The following PCDH7 variants were observed in gnomAD, a reference collection of about 807,000 sequenced individuals.
PCDH7 encodes protocadherin-7.
A neutral mutation model predicts 58.9 loss-of-function variants in PCDH7; 17 were observed. The ratio of observed to expected loss-of-function variants is 0.29; its 90% confidence interval spans 0.20 to 0.43. The LOEUF (loss-of-function observed/expected upper bound fraction) is 0.43, where lower values mean the gene tolerates loss of function less well. Ranked by LOEUF, PCDH7 falls within the 20% of genes least tolerant of loss-of-function variation. The probability of loss-of-function intolerance (pLI) is 1.00; values close to 1 mark genes in which losing one functional copy is unlikely to be tolerated. For missense variants in PCDH7, 1,274 were observed against 1,441.0 expected (o/e 0.88, Z 1.88); for synonymous variants, 664 against 616.4 (o/e 1.08, Z -1.14).
chr4:31,126,114 G>A (rs925744767), intron 3 of PCDH7, among the ~76,000 whole-genome samples: 1 of 149,448 alleles, frequency 6.7e-6, no homozygotes, highest in African/African-American at 2.5e-5. Context: ...AACAGTGCTT[G>A]ACATATCCTT....
intron 1 of PCDH7, among the ~76,000 whole-genome samples, chr4:30,799,409 TGC>T (rs1245735268): frequency 6.6e-6 from 1 of 152,252 alleles, no homozygotes; most frequent in Non-Finnish European, 1.5e-5. Flanking sequence ...TTCTGTATAA[TGC>T]AGAAGTTGCA....
chr4:31,100,001 G>A (rs939722709), intron 3 of PCDH7, among the ~76,000 whole-genome samples: 1 of 151,954 alleles, frequency 6.6e-6, no homozygotes, highest in Non-Finnish European at 1.5e-5. Context: ...AAGGGAGGGA[G>A]GGAGGGAAAA....
chr4:30,900,734 T>G (rs977447432), intron 1 of PCDH7, among the ~76,000 whole-genome samples: 1 of 152,126 alleles, frequency 6.6e-6, no homozygotes, highest in African/African-American at 2.4e-5. Flanking sequence ...GACATAGATA[T>G]AGAAATGCTT....
chr4:30,955,650 G>A (rs1469721319), intron 3 of PCDH7, among the ~76,000 whole-genome samples: 1 of 151,878 alleles, frequency 6.6e-6, no homozygotes, highest in African/African-American at 2.4e-5. Context: ...ATGGGTTCAA[G>A]GGATTCTCCT....
chr4:30,956,969 T>A (rs1443200191), intron 3 of PCDH7, among the ~76,000 whole-genome samples: 2 of 152,214 alleles, frequency 1.3e-5, no homozygotes, highest in African/African-American at 4.8e-5. Flanking sequence ...GAGGTCGGCA[T>A]CCCTTTGTAA....
chr4:31,067,357 G>A (rs1261075971), intron 3 of PCDH7, among the ~76,000 whole-genome samples: 4 of 133,932 alleles, frequency 3.0e-5, no homozygotes, highest in Admixed American at 7.9e-5. Flanking sequence ...TACATCAGGG[G>A]AATTTCATCA....
chr4:31,078,306 C>T (rs978033978), intron 3 of PCDH7, among the ~76,000 whole-genome samples: 4 of 151,976 alleles, frequency 2.6e-5, no homozygotes, highest in East Asian at 1.9e-4. Flanking sequence ...TTTTTAGAGA[C>T]AGGGTGTCGC....
At chr4:30,940,093 AAAAC>A (rs1368809588) in intron 2 of PCDH7, among the ~76,000 whole-genome samples, 9 of 151,992 alleles carry the variant, frequency 5.9e-5, no homozygotes, top group East Asian at 3.9e-4. Flanking sequence ...GGTAGGCAAA[AAAAC>A]AAACAAACAA....
chr4:30,859,547 C>G (rs1277636821), intron 1 of PCDH7, among the ~76,000 whole-genome samples: 1 of 151,562 alleles, frequency 6.6e-6, no homozygotes, highest in East Asian at 1.9e-4. Flanking sequence ...TTAAGTGATT[C>G]TCATGCCTCA....
At chr4:30,968,277 G>T (rs1482427749) in intron 3 of PCDH7, among the ~76,000 whole-genome samples, 1 of 108,466 alleles carries the variant, frequency 9.2e-6, no homozygotes, top group Admixed American at 1.0e-4. Flanking sequence ...ATTGATCAAA[G>T]AAAAAAATTA....
chr4:30,749,708 A>G lies in PCDH7; in HGVS notation c.70+25112A>G, dbSNP rs142206656. Among the ~76,000 whole-genome samples the G allele has an allele frequency of 1.4e-3, 210 of 152,300 alleles. 1 individual carries two copies. Among genetic ancestry groups the G allele is most frequent in the East Asian group, 8.1e-3 (42 of 5,178 alleles). ...CAGAGAACTCCACTATGACTTTTGT[A>G]TTTTATCCGAAACCAGTGAATCCTG... On this transcript the variant is annotated intron_variant, in intron 1 of 3. Coordinates refer to the PCDH7 transcript ENST00000509759.
intron 1 of PCDH7, among the ~76,000 whole-genome samples, chr4:30,766,054 G>A (rs967909802): frequency 3.3e-5 from 5 of 151,616 alleles, no homozygotes; most frequent in African/African-American, 9.7e-5. Flanking sequence ...TAGATAAGAC[G>A]TCACAGGAAA....
chr4:30,848,250 C>T (rs1441620133), intron 1 of PCDH7, among the ~76,000 whole-genome samples: 2 of 147,764 alleles, frequency 1.4e-5, no homozygotes, highest in Non-Finnish European at 2.9e-5. Context: ...TAAACTTTGA[C>T]TAGGTAGCAA....
intron 1 of PCDH7, among the ~76,000 whole-genome samples, chr4:30,755,861 A>G (rs1049568346): frequency 6.6e-6 from 1 of 152,066 alleles, no homozygotes; most frequent in Non-Finnish European, 1.5e-5. Context: ...AAGGAGGATC[A>G]GGAGGTCAAG....
intron 1 of PCDH7, among the ~76,000 whole-genome samples, chr4:30,866,859 C>T (rs568660507): frequency 6.8e-4 from 103 of 152,192 alleles, no homozygotes; most frequent in African/African-American, 2.4e-3. Flanking sequence ...TGTATGTAGC[C>T]CTCATTTTGA....
intron 1 of PCDH7, among the ~76,000 whole-genome samples, chr4:30,800,511 A>C (rs183514683): frequency 6.6e-6 from 1 of 152,318 alleles, no homozygotes; most frequent in Admixed American, 6.5e-5. Flanking sequence ...AATATAGGAA[A>C]TAAAATATCT....
At chr4:30,729,805 T>C (rs1489284699) in intron 1 of PCDH7, among the ~76,000 whole-genome samples, 2 of 152,098 alleles carry the variant, frequency 1.3e-5, no homozygotes, top group Non-Finnish European at 2.9e-5. Flanking sequence ...ATGTTTTCTC[T>C]TAATTTGTTT....
Position 30,874,893 on chromosome 4 carries a change from T to A in PCDH7, c.71-45260T>A, listed in dbSNP as rs544449566. On this transcript the variant is annotated intron_variant, in intron 1 of 3. Coordinates refer to the PCDH7 transcript ENST00000509759. ...TGTTGGAGCTTTTATTATTATTATT[T>A]ATTATTCTTATTTTTACTGTGGCTC... Among the ~76,000 whole-genome samples, 945 of 152,134 alleles carry A rather than the reference T, an allele frequency of 6.2e-3. 9 individuals are homozygous for A. The highest frequency in any genetic ancestry group is 1.0e-2 in the Non-Finnish European group (678 of 67,992).
intron 3 of PCDH7, among the ~76,000 whole-genome samples, chr4:31,045,983 A>G (rs1012292588): frequency 6.6e-6 from 1 of 152,034 alleles, no homozygotes; most frequent in Non-Finnish European, 1.5e-5. Context: ...GATGCTGTGC[A>G]ATACTTGAAG....
Sources: gnomAD v4.1 joint callset for allele counts (sites outside exome capture counted in the v4.1 genomes callset) on GRCh38, gnomAD v4.1.1 for gene constraint, MANE v1.5 for transcripts, NCBI Gene and HGNC (gene_info 2026-07-23, HGNC 2026-07-21) for gene names.